Variants in STAG1 observed in about 807,000 individuals in gnomAD.
STAG1 encodes STAG1 cohesin complex component.
Under a neutral mutation model 170.9 loss-of-function variants are expected in STAG1, and 26 were observed. The ratio of observed to expected loss-of-function variants is 0.15; its 90% CI spans 0.11 to 0.21. The LOEUF (loss-of-function observed/expected upper bound fraction) is 0.21, where lower values mean the gene tolerates loss of function less well. Among genes scored for constraint, STAG1 ranks in the 10% least tolerant of loss-of-function variants. STAG1 has a pLI of 1.00. For missense variants in STAG1, 964 were observed against 1,509.5 expected (o/e 0.64, Z 5.99); for synonymous variants, 514 against 497.7 (o/e 1.03, Z -0.44).
At position 136,477,402 on chromosome 3, in the gene STAG1, C is replaced by A; in HGVS notation, c.913G>T (p.Ala305Ser). ...TCAATACAAATGGCTCTAATCTCAG[C>A]AATAGCATCACTAGAGAGAGAAAAA... ...IFVHRYRDAI[A>S]EIRAICIEEI... Residue 305 changes from alanine (A) to serine (S), a missense_variant, in exon 10 of 34, where the codon GCT (alanine) becomes TCT (serine). By Grantham distance (99) the Ala-to-Ser change is moderately conservative. This residue lies in a region of STAG1 where 57 missense variants were observed against 157.6 expected (regional missense o/e 0.36). Coordinates refer to ENST00000383202, the MANE Select transcript of STAG1 (RefSeq NM_005862.3). 6.2e-7 allele frequency: 1 copy of A among 1,609,850 alleles called. No homozygotes were observed. The highest frequency in any genetic ancestry group is 8.5e-7 in the Non-Finnish European group (1 of 1,178,722).
chr3:136,661,809 T>C (rs1013976584), intron 1 of STAG1, among the ~76,000 whole-genome samples: 2 of 152,112 alleles, frequency 1.3e-5, no homozygotes, highest in East Asian at 1.9e-4. Context: ...CTAACATGCA[T>C]TAATTCATGA....
chr3:136,457,136 T>C (rs969679576), intron 13 of STAG1, among the ~76,000 whole-genome samples: 6 of 152,098 alleles, frequency 3.9e-5, no homozygotes, highest in African/African-American at 1.2e-4. Context: ...AAACCCCTCA[T>C]GGCCTTTGGA....
chr3:136,630,722 CCCTACTACTA>C (rs1342450151), intron 2 of STAG1, 138 bp downstream of exon 2: 7 of 660,648 alleles, frequency 1.1e-5, no homozygotes, highest in Non-Finnish European at 5.3e-6. Context: ...TAATTACACA[CCCTACTACTA>C]CTTACACTGC....
intron 4 of STAG1, among the ~76,000 whole-genome samples, chr3:136,597,526 AC>A (rs1015224344): frequency 6.6e-6 from 1 of 152,114 alleles, no homozygotes; most frequent in Non-Finnish European, 1.5e-5. Flanking sequence ...ATTCTGTTCC[AC>A]CCAAATTTTT....
At chr3:136,403,102 C>A (rs1243485820) in intron 21 of STAG1, among the ~76,000 whole-genome samples, 3 of 151,396 alleles carry the variant, frequency 2.0e-5, no homozygotes, top group Non-Finnish European at 4.4e-5. Flanking sequence ...GTGGCACATG[C>A]CTGTATTCCT....
intron 1 of STAG1, among the ~76,000 whole-genome samples, chr3:136,691,725 T>A (rs1942729038): frequency 6.6e-6 from 1 of 152,212 alleles, no homozygotes; most frequent in Admixed American, 6.5e-5. Context: ...TAGTTATAAC[T>A]TTTCTTTAGA....
At chr3:136,712,730 C>T (rs1313048656) in intron 1 of STAG1, among the ~76,000 whole-genome samples, 1 of 152,178 alleles carries the variant, frequency 6.6e-6, no homozygotes, top group Non-Finnish European at 1.5e-5. Context: ...TAACAACATA[C>T]CTTATGACCA....
intron 28 of STAG1, among the ~76,000 whole-genome samples, chr3:136,356,209 G>T (rs1417838781): frequency 6.6e-6 from 1 of 151,936 alleles, no homozygotes; most frequent in Non-Finnish European, 1.5e-5. Context: ...TTTATGCTGT[G>T]CCCCCTGGCA....
chr3:136,427,837 T>C lies in STAG1; in HGVS notation c.1651-4793A>G, dbSNP rs1476829692. Reference sequence around the variant, plus strand: ...ATATGATTTTAAAAAAGTGAAGTCATATAATAACAACTTAAAGCCAAAGGA... The same window carrying C: ...ATATGATTTTAAAAAAGTGAAGTCACATAATAACAACTTAAAGCCAAAGGA... On this transcript the variant is annotated intron_variant, in intron 16 of 33. Coordinates refer to ENST00000383202, the MANE Select transcript of STAG1 (RefSeq NM_005862.3). Among the ~76,000 whole-genome samples the C allele has an allele frequency of 2.0e-5, 3 of 152,262 alleles. No individual in the cohort carries two copies. The East Asian group carries it at 5.8e-4, about 29-fold the overall frequency.
At chr3:136,478,928 T>C (rs961019083) in intron 9 of STAG1, among the ~76,000 whole-genome samples, 2 of 152,050 alleles carry the variant, frequency 1.3e-5, no homozygotes, top group African/African-American at 4.8e-5. Context: ...TCCTCATCTC[T>C]AAAATAGTGG....
chr3:136,407,954 G>A (rs1169831353), intron 21 of STAG1, among the ~76,000 whole-genome samples: 1 of 151,076 alleles, frequency 6.6e-6, no homozygotes, highest in African/African-American at 2.4e-5. Flanking sequence ...TATAACTGGT[G>A]TACAATTCAA....
At chr3:136,661,648 C>CT (rs1941583345) in intron 1 of STAG1, among the ~76,000 whole-genome samples, 1 of 152,164 alleles carries the variant, frequency 6.6e-6, no homozygotes, top group Admixed American at 6.5e-5. Flanking sequence ...ATCCAAAACA[C>CT]TTCTGGTCCC....
chr3:136,422,582 A>T lies in STAG1; in HGVS notation c.1865T>A (p.Phe622Tyr). 2.5e-6 allele frequency: 4 copies of T among 1,613,982 alleles called. No homozygotes were observed. The South Asian group carries it at 4.4e-5, about 18-fold the overall frequency. Residue 622 changes from phenylalanine to tyrosine, a missense_variant, in exon 19 of 34, where the codon TTT becomes TAT. Coordinates refer to ENST00000383202, the MANE Select transcript of STAG1 (RefSeq NM_005862.3). ...HLDALLKQIKFVVEKHVESDV... is the reference protein window; with the variant it reads ...HLDALLKQIKYVVEKHVESDV... ...TGATTCTACGTGTTTCTCCACAACA[A>T]ACTTAATCTGTTTTAATAAAGCATC...
At chr3:136,464,195 G>A (rs1364911317) in intron 13 of STAG1, among the ~76,000 whole-genome samples, 7 of 151,846 alleles carry the variant, frequency 4.6e-5, no homozygotes, top group South Asian at 2.1e-4. Context: ...AGGCTGAGGC[G>A]GGCGGATTAC....
intron 4 of STAG1, among the ~76,000 whole-genome samples, chr3:136,588,448 C>G (rs528016058): frequency 6.6e-6 from 1 of 152,056 alleles, no homozygotes; most frequent in Admixed American, 6.6e-5. Flanking sequence ...TCAGGCAATC[C>G]TCCTGCCTCA....
intron 21 of STAG1, among the ~76,000 whole-genome samples, chr3:136,407,140 C>T (rs569266162): frequency 6.6e-6 from 1 of 152,278 alleles, no homozygotes; most frequent in East Asian, 1.9e-4. Context: ...GATTCTCCTG[C>T]CTCAGCCTCC....
At chr3:136,363,590 AGAAAG>A (rs2108287181) in intron 25 of STAG1, 123 bp from the exon 26 acceptor site, 5 of 468,010 alleles carry the variant, frequency 1.1e-5, no homozygotes, top group Non-Finnish European at 1.9e-5. Context: ...GGTTGGTAAA[AGAAAG>A]GAAAGGTAAA....
intron 4 of STAG1, chr3:136,586,798 T>G (rs939107400): frequency 2.2e-6 from 1 of 456,014 alleles, no homozygotes; most frequent in African/African-American, 2.0e-5. Context: ...ATTACTTAGC[T>G]CACCTGAGTA....
intron 4 of STAG1, among the ~76,000 whole-genome samples, chr3:136,572,493 T>C (rs1239529610): frequency 4.0e-5 from 6 of 149,484 alleles, no homozygotes; most frequent in African/African-American, 1.5e-4. Flanking sequence ...CTTGGGAGGC[T>C]GAGGTGAGAG....
Sources: allele counts gnomAD v4.1 joint callset (sites outside exome capture counted in the v4.1 genomes callset), GRCh38; gene constraint gnomAD v4.1.1; regional missense constraint gnomAD v4.1.1; transcripts MANE v1.5; gene names NCBI Gene and HGNC (gene_info 2026-07-23, HGNC 2026-07-21).